The following ADGRL4 variants were observed in gnomAD, a reference collection of about 807,000 sequenced individuals.
The protein encoded by ADGRL4 is adhesion G protein-coupled receptor L4, also known as EGF, latrophilin and seven transmembrane domain containing 1.
In ADGRL4, 90 loss-of-function variants were observed where a neutral mutation model predicts 74.8. That is an observed-to-expected ratio of 1.20 (90% CI 1.02 to 1.43). The LOEUF is 1.43. Among genes scored for constraint, ADGRL4 ranks in the 40% most tolerant of loss-of-function variants. ADGRL4 has a pLI of 0.00. For synonymous variants in ADGRL4, 311 were observed against 279.2 expected, an observed-to-expected ratio of 1.11 and a Z score of -1.14; for missense variants, 881 against 814.3, an observed-to-expected ratio of 1.08 and a Z score of -1.00.
chr1:78,942,173 C>CAA (rs398049382), intron 3 of ADGRL4, among the ~76,000 whole-genome samples: 745 of 73,568 alleles, frequency 0.01, 57 homozygotes, highest in Middle Eastern at 0.031. Context: ...GACTCCGTCT[C>CAA]AAAAAAAAAA....
chr1:78,928,368 T>A lies in ADGRL4; in HGVS notation c.878-1277A>T, dbSNP rs1364518825. 3.3e-5 allele frequency among the ~76,000 whole-genome samples: 5 copies of A among 151,544 alleles called. 1 individual carries two copies. Among genetic ancestry groups the A allele is most frequent in the African/African-American group, 1.2e-4 (5 of 40,838 alleles). On this transcript the variant is annotated intron_variant, in intron 7 of 14. Transcript: ENST00000370742. ...CAGGGTTTTGAACTTCTTCAATTCC[T>A]ATGATTTCTCACTAATTTGAGGCTT...
rs977186610 is a variant in ADGRL4 at position 78,913,329 on chromosome 1, C to T, written c.1749+4305G>A. On this transcript the variant is annotated intron_variant, in intron 12 of 14. Transcript: ENST00000370742. ...TATAAATTGTTCTATCATAAAGACA[C>T]ATGTTCACTGCAGCACTATTCACAA... 3.3e-5 allele frequency among the ~76,000 whole-genome samples: 5 copies of T among 151,928 alleles called. 1 individual carries two copies. Among genetic ancestry groups the T allele is most frequent in the South Asian group, 4.1e-4 (2 of 4,824 alleles).
At chr1:78,915,354 C>T (rs572330213) in intron 12 of ADGRL4, among the ~76,000 whole-genome samples, 4 of 151,888 alleles carry the variant, frequency 2.6e-5, no homozygotes, top group South Asian at 2.1e-4. Context: ...TCTTATATCC[C>T]GGGGACACAT....
intron 7 of ADGRL4, among the ~76,000 whole-genome samples, chr1:78,927,974 CATT>C (rs59977816): frequency 1.2e-4 from 18 of 151,916 alleles, no homozygotes; most frequent in African/African-American, 3.9e-4. Context: ...GAAAGTATGA[CATT>C]GTTGGGCTAG....
chr1:78,950,418 A>T (rs1160374376), intron 2 of ADGRL4, among the ~76,000 whole-genome samples: 7 of 152,078 alleles, frequency 4.6e-5, no homozygotes, highest in Non-Finnish European at 8.8e-5. Context: ...AATTATATCC[A>T]GTGGGTAAAG....
chr1:78,892,970 T>C, intron 13 of ADGRL4, 128 bp downstream of exon 13: 1 of 612,466 alleles, frequency 1.6e-6, no homozygotes, highest in Non-Finnish European at 2.7e-6. Flanking sequence ...TTCCGATGCG[T>C]CTTTTAAATA....
chr1:78,980,885 A>T (rs900933171), intron 2 of ADGRL4, among the ~76,000 whole-genome samples: 7 of 151,976 alleles, frequency 4.6e-5, no homozygotes, highest in African/African-American at 1.7e-4. Flanking sequence ...AATGTAACCG[A>T]AATTTCTAAT....
chr1:78,891,062 G>C lies in ADGRL4; in HGVS notation c.*92C>G. ...ACTTTTTGTCTAGTAGTTAATAATTGGATAATTTGATGAGTCATTTTTATA... is the reference window on the plus strand; with the variant it reads ...ACTTTTTGTCTAGTAGTTAATAATTCGATAATTTGATGAGTCATTTTTATA... On this transcript the variant is annotated 3_prime_UTR_variant, in exon 15 of 15. Transcript: ENST00000370742. 1 of 1,264,028 alleles carries C rather than the reference G, an allele frequency of 7.9e-7. No individual in the cohort carries two copies. The highest frequency in any genetic ancestry group is 1.2e-6 in the Non-Finnish European group (1 of 865,060). 78.3% of individuals were successfully genotyped at this position (1,264,028 alleles called of 1,614,324 possible).
chr1:78,908,117 T>C (rs905079223), intron 12 of ADGRL4, among the ~76,000 whole-genome samples: 5 of 152,054 alleles, frequency 3.3e-5, no homozygotes, highest in African/African-American at 4.8e-5. Context: ...CAAACACTTA[T>C]AGAGAAGTTT....
intron 2 of ADGRL4, among the ~76,000 whole-genome samples, chr1:78,963,738 T>C (rs948506089): frequency 1.3e-5 from 2 of 152,152 alleles, no homozygotes; most frequent in African/African-American, 4.8e-5. Flanking sequence ...AATAAATGTA[T>C]ACATGGTAAA....
chr1:78,982,449 C>A (rs936342434), intron 2 of ADGRL4, among the ~76,000 whole-genome samples: 5 of 151,850 alleles, frequency 3.3e-5, no homozygotes, highest in Non-Finnish European at 5.9e-5. Context: ...AAAAGTACAG[C>A]AGTAGATTAG....
rs1339232142 is a variant in ADGRL4, at chr1:78,921,741, G to T, written c.1129C>A (p.Pro377Thr). 4.4e-6 allele frequency: 7 copies of T among 1,598,934 alleles called. No homozygotes were observed. The highest frequency in any genetic ancestry group is 1.4e-5 in the African/African-American group (1 of 73,644). ...GACCAGCTGCCATTCATGGTATCAG[G>T]TGAGTAATTCCAAAATGCACATAGA... ...RSLCAFWNYS[P>T]DTMNGSWSSE... Residue 377 changes from proline (P) to threonine (T), a missense_variant, in exon 9 of 15, where the codon CCT (proline) becomes ACT (threonine). Transcript: ENST00000370742.
At chr1:78,921,514 C>G in intron 9 of ADGRL4, 99 bp downstream of exon 9, 1 of 746,564 alleles carries the variant, frequency 1.3e-6, no homozygotes, top group South Asian at 4.1e-5. Context: ...CTATCTAAAC[C>G]CAAGAAAAAT....
chr1:78,949,916 A>C (rs1649686526), intron 2 of ADGRL4, among the ~76,000 whole-genome samples: 1 of 152,182 alleles, frequency 6.6e-6, no homozygotes, highest in East Asian at 1.9e-4. Flanking sequence ...TCTGATAAAA[A>C]ATTCTTCCTC....
chr1:78,903,268 T>C (rs1648557048), intron 12 of ADGRL4, among the ~76,000 whole-genome samples: 1 of 152,298 alleles, frequency 6.6e-6, no homozygotes, highest in Non-Finnish European at 1.5e-5. Flanking sequence ...TTTAATAAAG[T>C]AATCCTAATG....
intron 2 of ADGRL4, among the ~76,000 whole-genome samples, chr1:78,950,097 G>GA (rs1466169915): frequency 6.6e-6 from 1 of 152,120 alleles, no homozygotes; most frequent in South Asian, 2.1e-4. Flanking sequence ...GCAACTGGAA[G>GA]AAAATGGCTT....
chr1:78,966,259 C>G (rs12024704), intron 2 of ADGRL4, among the ~76,000 whole-genome samples: 15,828 of 152,124 alleles, frequency 0.1, 1,094 homozygotes, highest in East Asian at 0.35. Flanking sequence ...AATCTGTGAT[C>G]GGGGAAGCAC....
At chr1:78,994,103 T>C (rs970559846) in intron 2 of ADGRL4, among the ~76,000 whole-genome samples, 5 of 152,218 alleles carry the variant, frequency 3.3e-5, no homozygotes, top group Middle Eastern at 3.4e-3. Context: ...ACAAAAGCAA[T>C]AAATAAGTCA....
chr1:78,952,559 G>GA (rs201746842), intron 2 of ADGRL4, among the ~76,000 whole-genome samples: 9 of 148,094 alleles, frequency 6.1e-5, no homozygotes, highest in Non-Finnish European at 9.0e-5. Flanking sequence ...AGAAAGGAAA[G>GA]AAAAAAAAAG....
Sources: gnomAD v4.1 joint callset for allele counts (sites outside exome capture counted in the v4.1 genomes callset) on GRCh38, gnomAD v4.1.1 for gene constraint, MANE v1.5 for transcripts, NCBI Gene and HGNC (gene_info 2026-07-23, HGNC 2026-07-21) for gene names.